The following RBFOX1 variants were observed in gnomAD, a reference collection of about 807,000 sequenced individuals.
RBFOX1 encodes the protein RNA binding fox-1 homolog 1, also known as RNA binding protein fox-1 homolog 1.
In RBFOX1, 8 loss-of-function variants were observed where a neutral mutation model predicts 57.7. The ratio of observed to expected loss-of-function variants is 0.14; its 90% CI spans 0.08 to 0.25. RBFOX1 has a LOEUF of 0.25. RBFOX1 is among the 10% of genes least tolerant of loss of function. The pLI, the probability that RBFOX1 is intolerant of heterozygous loss-of-function variation, is 1.00. For synonymous variants in RBFOX1, 326 were observed against 222.4 expected, an observed-to-expected ratio of 1.47 and a Z score of -4.15; for missense variants, 611 against 548.5, an observed-to-expected ratio of 1.11 and a Z score of -1.14.
rs186224224 is a variant in RBFOX1 at position 6,123,260 on chromosome 16, A to G, written c.-127+103268A>G. ...AAAGGTGGAAACAACCCAAATGTCC[A>G]TCCATGGATGAATGAATAAATAAGA... is the stretch of plus-strand genomic sequence containing the variant. On this transcript the variant is annotated intron_variant, in intron 1 of 15. Coordinates refer to ENST00000550418, the MANE Select transcript of RBFOX1 (RefSeq NM_018723.4). Among the ~76,000 whole-genome samples, 11 of 152,342 alleles carry G rather than the reference A, an allele frequency of 7.2e-5. No individual in the cohort carries two copies. The East Asian group carries it at 2.1e-3, about 29-fold the overall frequency.
chr16:5,756,776 A>G (rs1341347262), intron 3 of RBFOX1, among the ~76,000 whole-genome samples: 4 of 152,204 alleles, frequency 2.6e-5, no homozygotes, highest in Non-Finnish European at 5.9e-5. Context: ...GTTACTTGCC[A>G]GGGATCTTGG....
At chr16:5,698,622 G>A (rs1183003849) in intron 3 of RBFOX1, among the ~76,000 whole-genome samples, 1 of 152,128 alleles carries the variant, frequency 6.6e-6, no homozygotes, top group Non-Finnish European at 1.5e-5. Context: ...TTTAAAAACA[G>A]GTGTTCAAAC....
chr16:6,716,051 C>T (rs1177343791), intron 3 of RBFOX1, among the ~76,000 whole-genome samples: 1 of 152,122 alleles, frequency 6.6e-6, no homozygotes, highest in Non-Finnish European at 1.5e-5. Flanking sequence ...TGTGAGCTCA[C>T]ACTGCTCAGT....
chr16:7,414,120 A>G lies in RBFOX1; in HGVS notation c.28-104027A>G, dbSNP rs901695896. ...AAAGAAACCAGAAAATCCCAATTCA[A>G]GGGGTCTACAGACAATCCATTCATT... On this transcript the variant is annotated intron_variant, in intron 4 of 15. Coordinates refer to ENST00000550418, the MANE Select transcript of RBFOX1 (RefSeq NM_018723.4). Among the ~76,000 whole-genome samples, 11 of 152,358 alleles carry G rather than the reference A, an allele frequency of 7.2e-5. 1 individual carries two copies. In the East Asian group the frequency reaches 9.7e-4, roughly 13 times the overall value.
intron 5 of RBFOX1, among the ~76,000 whole-genome samples, chr16:7,566,255 C>T (rs562314884): frequency 2.6e-5 from 4 of 152,222 alleles, no homozygotes; most frequent in South Asian, 4.2e-4. Flanking sequence ...CTGAAGCAGC[C>T]TGCTTTTGAT....
intron 4 of RBFOX1, among the ~76,000 whole-genome samples, chr16:7,348,572 A>G (rs2097063771): frequency 6.6e-6 from 1 of 152,216 alleles, no homozygotes. Context: ...CAAAGAAATG[A>G]CATTACTTTA....
intron 4 of RBFOX1, among the ~76,000 whole-genome samples, chr16:7,350,400 A>G (rs2097106781): frequency 6.6e-6 from 1 of 152,192 alleles, no homozygotes; most frequent in Admixed American, 6.5e-5. Flanking sequence ...TGAAAAACAC[A>G]AAGTCAGGTG....
In RBFOX1 at chr16:5,962,409, C is replaced by T. The variant is rs2059767922; in HGVS notation, c.351+95074C>T. On this transcript the variant is annotated intron_variant, in intron 4 of 19. Transcript: ENST00000641259. ...AGCACTCAGGGGACCTTCTTTATCT[C>T]TAAGATTACATCTGAATTCCATTTT... Among the ~76,000 whole-genome samples, 3 of 152,192 alleles carry T rather than the reference C, an allele frequency of 2.0e-5. No homozygotes were observed. In the South Asian group the frequency reaches 6.2e-4, roughly 31 times the overall value.
chr16:7,039,848 C>G (rs1019439792), intron 3 of RBFOX1, among the ~76,000 whole-genome samples: 1 of 152,190 alleles, frequency 6.6e-6, no homozygotes, highest in South Asian at 2.1e-4. Context: ...CGAGGCAAAG[C>G]GACCTCTCTC....
intron 3 of RBFOX1, among the ~76,000 whole-genome samples, chr16:5,614,750 A>G (rs550132739): frequency 7.2e-5 from 11 of 152,362 alleles, no homozygotes; most frequent in Admixed American, 3.3e-4. Flanking sequence ...ATGCAAATCT[A>G]GATGCGAGAT....
intron 2 of RBFOX1, among the ~76,000 whole-genome samples, chr16:5,476,839 G>T (rs578025815): frequency 2.6e-5 from 4 of 152,190 alleles, no homozygotes; most frequent in Admixed American, 2.0e-4. Flanking sequence ...AGAGTCTTGC[G>T]TCTTCCAGGC....
chr16:6,777,046 A>C (rs1445640416), intron 3 of RBFOX1, among the ~76,000 whole-genome samples: 1 of 152,174 alleles, frequency 6.6e-6, no homozygotes, highest in Non-Finnish European at 1.5e-5. Flanking sequence ...CATTAATCTG[A>C]AAGCTACCTG....
At chr16:6,295,467 C>T (rs1423913714) in intron 1 of RBFOX1, among the ~76,000 whole-genome samples, 1 of 152,160 alleles carries the variant, frequency 6.6e-6, no homozygotes, top group African/African-American at 2.4e-5. Context: ...GCTCAGCCTT[C>T]CAGCCTGTGG....
At chr16:6,946,520 C>T (rs1027483013) in intron 3 of RBFOX1, among the ~76,000 whole-genome samples, 2 of 152,200 alleles carry the variant, frequency 1.3e-5, no homozygotes, top group Non-Finnish European at 2.9e-5. Flanking sequence ...TCTCCCATCC[C>T]TACTGTGTTT....
intron 7 of RBFOX1, among the ~76,000 whole-genome samples, chr16:7,593,796 C>G (rs372927557): frequency 2.0e-5 from 3 of 152,014 alleles, no homozygotes; most frequent in East Asian, 1.9e-4. Flanking sequence ...ATTTGGGTAT[C>G]AGGGGTGGGG....
At chr16:5,717,886 C>T (rs1417392125) in intron 3 of RBFOX1, among the ~76,000 whole-genome samples, 1 of 152,126 alleles carries the variant, frequency 6.6e-6, no homozygotes, top group East Asian at 1.9e-4. Context: ...AATTGCAGGT[C>T]GAAGGTACTG....
intron 4 of RBFOX1, among the ~76,000 whole-genome samples, chr16:7,316,460 T>A (rs1219764393): frequency 6.6e-6 from 1 of 152,170 alleles, no homozygotes; most frequent in Non-Finnish European, 1.5e-5. Context: ...TGGTTAATAA[T>A]TAATTTACTC....
rs140679845 is a variant in RBFOX1 at position 5,628,425 on chromosome 16, G to C, written c.318+29464G>C. Among the ~76,000 whole-genome samples, 583 of 152,142 alleles carry C rather than the reference G, an allele frequency of 3.8e-3. 4 individuals are homozygous for C. Among genetic ancestry groups the C allele is most frequent in the African/African-American group, 0.013 (533 of 41,504 alleles). ...AGTCAAAAGGAGCTCTGAGTTTTGG[G>C]GATAACTGATATAACCATAGTGATC... On this transcript the variant is annotated intron_variant, in intron 3 of 19. Transcript: ENST00000641259.
chr16:5,507,634 C>T (rs531667697), intron 2 of RBFOX1, among the ~76,000 whole-genome samples: 3 of 152,138 alleles, frequency 2.0e-5, no homozygotes, highest in South Asian at 2.1e-4. Flanking sequence ...AGGGTCTTTG[C>T]AGTATAATCC....
Sources: gnomAD v4.1 joint callset for allele counts (sites outside exome capture counted in the v4.1 genomes callset) on GRCh38, gnomAD v4.1.1 for gene constraint, MANE v1.5 for transcripts, NCBI Gene and HGNC (gene_info 2026-07-23, HGNC 2026-07-21) for gene names.